Variants in EMC10 observed in about 807,000 individuals in gnomAD.
The protein encoded by EMC10 is UPF0510 protein INM02.
In EMC10, 40 loss-of-function variants were observed where a neutral mutation model predicts 32.2. The observed-to-expected ratio is 1.24, with a 90% CI of 0.96 to 1.61. EMC10 has a LOEUF of 1.61. Among genes scored for constraint, EMC10 ranks in the 40% most tolerant of loss-of-function variants. The pLI is 0.00. For missense variants in EMC10, 402 were observed against 357.7 expected, an observed-to-expected ratio of 1.12 and a Z score of -1.00; for synonymous variants, 178 against 158.4, an observed-to-expected ratio of 1.12 and a Z score of -0.93.
intron 2 of EMC10, 32 bp downstream of exon 2, chr19:50,478,033 T>A: frequency 1.3e-6 from 2 of 1,554,376 alleles, no homozygotes. Context: ...CCTAGACACT[T>A]AACATTGGTG....
intron 1 of EMC10, 192 bp downstream of exon 1, chr19:50,476,850 G>C (rs143867426): frequency 4.1e-6 from 2 of 485,734 alleles, no homozygotes; most frequent in Non-Finnish European, 7.2e-6. Context: ...GCAAGGACTG[G>C]GTGGGAGGAC....
Position 50,483,020 on chromosome 19 carries a change from CCA to C in EMC10, c.*763_*764del. 1 of 566,802 alleles carries C rather than the reference CCA, an allele frequency of 1.8e-6. No homozygotes were observed. Among genetic ancestry groups the C allele is most frequent in the Non-Finnish European group, 3.3e-6 (1 of 301,280 alleles). The allele number at this position is 566,802 out of a possible 1,614,324, so 35.1% of individuals were successfully genotyped here. A position where few individuals can be genotyped will look rare whatever the true frequency, so the allele number is the denominator to read the frequency against. ...GACACTGTAAATAGAACCCCCTCCA[CCA>C]CCCCCCGCCGCCCAGCATCCTACCT... is the stretch of plus-strand genomic sequence containing the variant. On this transcript the variant is annotated 3_prime_UTR_variant, in exon 7 of 7. Coordinates refer to ENST00000334976, the MANE Select transcript of EMC10 (RefSeq NM_206538.4).
At chr19:50,477,545 C>CAA (rs2040247530) in intron 1 of EMC10, among the ~76,000 whole-genome samples, 2 of 152,282 alleles carry the variant, frequency 1.3e-5, no homozygotes, top group South Asian at 4.1e-4. Flanking sequence ...GGACTGAACT[C>CAA]AGGCTGCATC....
At chr19:50,481,213 C>T (rs1713220466) in intron 6 of EMC10, 2 of 487,530 alleles carry the variant, frequency 4.1e-6, no homozygotes, top group Non-Finnish European at 7.2e-6. Flanking sequence ...GAGGTCTCGG[C>T]CTGAGCTAGG....
At chr19:50,479,835 T>C (rs2040288734) in intron 3 of EMC10, among the ~76,000 whole-genome samples, 1 of 152,208 alleles carries the variant, frequency 6.6e-6, no homozygotes, top group Admixed American at 6.5e-5. Context: ...AGGGAAGGCG[T>C]CCTCAGGACC....
rs2122666150 is a variant in EMC10 at position 50,482,550 on chromosome 19, A to G, written c.*291A>G. ...TGGAGTAGAGCCCGAGATCCTGGCC[A>G]CTATGCCAGTTCTGACCTCGCATCC... On this transcript the variant is annotated 3_prime_UTR_variant, in exon 7 of 7. Transcript: ENST00000334976. 2 of 546,888 alleles carry G rather than the reference A, an allele frequency of 3.7e-6. No individual in the cohort carries two copies. Among genetic ancestry groups the G allele is most frequent in the South Asian group, 2.6e-5 (1 of 38,346 alleles). The allele number at this position is 546,888 out of a possible 1,614,324, so 33.9% of individuals were successfully genotyped here. A position where few individuals can be genotyped will look rare whatever the true frequency, so the allele number is the denominator to read the frequency against.
rs976030536 is a variant in EMC10, at chr19:50,486,334, C to T, written c.*4075C>T. ...CCTCCTGAGTAGCTGGGATTACAAC[C>T]GTGTGCCACCACACCCAGCCAATTT... On this transcript the variant is annotated 3_prime_UTR_variant, in exon 7 of 7. Transcript: ENST00000334976. 2.6e-5 allele frequency: 4 copies of T among 152,132 alleles called. No individual in the cohort carries two copies. The highest frequency in any genetic ancestry group is 4.4e-5 in the Non-Finnish European group (3 of 68,026). 9.4% of individuals were successfully genotyped at this position (152,132 alleles called of 1,614,324 possible). A position where few individuals can be genotyped will look rare whatever the true frequency, so the allele number is the denominator to read the frequency against.
rs371024737 is a variant in EMC10, at chr19:50,478,000, C to G, written c.186C>G (p.Ile62Met). ...VGLLLEHSFE[I>M]DDSANFRKRG... ...TGCTGCTGGAGCACTCATTTGAGAT[C>G]GGTGAGTCAGGCAACGTCCTCTCCT... The change falls in exon 2 of 7, where the codon ATC becomes ATG. Residue 62 changes from isoleucine to methionine, a missense_variant and splice_region_variant. By Grantham distance (10) the Ile-to-Met change is conservative. Coordinates refer to ENST00000334976, the MANE Select transcript of EMC10 (RefSeq NM_206538.4). 4 of 1,602,638 alleles carry G rather than the reference C, an allele frequency of 2.5e-6. No homozygotes were observed. The highest frequency in any genetic ancestry group is 2.3e-5 in the East Asian group (1 of 43,908).
rs557727983 is a variant in EMC10 at position 50,480,598 on chromosome 19, G to A, written c.420G>A (p.Ser140=). ...SFVPACSLVE[S]HLSDQLTLHV... ...CCCCACAGTGCTCCCTGGTGGAGTC[G>A]CACCTGTCGGACCAGCTGACCCTGC... The change falls in exon 5 of 7, where the codon TCG becomes TCA. Residue 140 remains serine, a synonymous_variant. Coordinates refer to ENST00000334976, the MANE Select transcript of EMC10 (RefSeq NM_206538.4). This position sits in a 1 kb window ranked among gnomAD's most constrained non-coding sequence, Gnocchi z 4.4. 7 of 1,559,418 alleles carry A rather than the reference G, an allele frequency of 4.5e-6. No individual in the cohort carries two copies. Among genetic ancestry groups the A allele is most frequent in the Admixed American group, 3.8e-5 (2 of 52,090 alleles).
chr19:50,481,547 A>G (rs2040319622), intron 6 of EMC10: 1 of 394,200 alleles, frequency 2.5e-6, no homozygotes, highest in South Asian at 4.1e-5. Context: ...GAGTGTGGAG[A>G]CTGGTGTTAG....
Position 50,482,347 on chromosome 19 carries a change from G to A in EMC10, c.*88G>A. ...CCTGTGTCCTCAGCCATCCCAAGAA[G>A]GGTTTGCTGGTCCCTCCTTTCCCCC... On this transcript the variant is annotated 3_prime_UTR_variant, in exon 7 of 7. Transcript: ENST00000334976. 1 of 650,708 alleles carries A rather than the reference G, an allele frequency of 1.5e-6. No individual in the cohort carries two copies. The highest frequency in any genetic ancestry group is 2.7e-6 in the Non-Finnish European group (1 of 368,342). 40.3% of individuals were successfully genotyped at this position (650,708 alleles called of 1,614,324 possible).
chr19:50,477,864 T>A (rs1464831772), intron 1 of EMC10, 65 bp from the exon 2 acceptor site: 11 of 1,324,180 alleles, frequency 8.3e-6, no homozygotes, highest in Non-Finnish European at 1.1e-5. Flanking sequence ...TCCTGGGTTC[T>A]GTGGGTGACT....
intron 3 of EMC10, among the ~76,000 whole-genome samples, chr19:50,479,894 C>T (rs2122659124): frequency 6.6e-6 from 1 of 152,362 alleles, no homozygotes; most frequent in Middle Eastern, 3.4e-3. Flanking sequence ...GGCTTTTCCC[C>T]TAGGTGGGGC....
At chr19:50,481,001 C>G (rs778681699) in intron 6 of EMC10, 24 bp downstream of exon 6, 1 of 1,572,346 alleles carries the variant, frequency 6.4e-7, no homozygotes, top group Non-Finnish European at 8.7e-7. Context: ...CCCCGCCTCC[C>G]CTATTCCCTT....
chr19:50,481,529 G>C, intron 6 of EMC10: 1 of 353,348 alleles, frequency 2.8e-6, no homozygotes, highest in South Asian at 4.7e-5. Context: ...CCAGGCCTCT[G>C]GTCCATTGAG....
Position 50,482,420 on chromosome 19 carries a change from T to C in EMC10, c.*161T>C, listed in dbSNP as rs2040337328. The stretch of plus-strand genomic sequence containing the variant: ...CAGCCCCTTGTCCTCTGCCTTCTGC[T>C]GGCAGAGGAGCAGCTGGACTGGGGC... On this transcript the variant is annotated 3_prime_UTR_variant, in exon 7 of 7. Coordinates refer to ENST00000334976, the MANE Select transcript of EMC10 (RefSeq NM_206538.4). 3 of 594,040 alleles carry C rather than the reference T, an allele frequency of 5.1e-6. No homozygotes were observed. The highest frequency in any genetic ancestry group is 1.9e-5 in the African/African-American group (1 of 53,330). 36.8% of individuals were successfully genotyped at this position (594,040 alleles called of 1,614,324 possible).
rs2040301525 is a variant in EMC10 at position 50,480,561 on chromosome 19, T to C, written c.403-20T>C. 7.1e-6 allele frequency: 11 copies of C among 1,549,650 alleles called. No individual in the cohort carries two copies. Among genetic ancestry groups the C allele is most frequent in the African/African-American group, 1.4e-5 (1 of 72,996 alleles). On this transcript the variant is annotated intron_variant, in intron 4 of 6. Transcript: ENST00000334976. The surrounding 1 kb of genome is among the most constrained non-coding windows in gnomAD (Gnocchi z 4.4). ...CAGGCAGCAGGCTCCCCACCTCCAC[T>C]GACCCCACTCCCCCCACAGTGCTCC... is the stretch of plus-strand genomic sequence containing the variant.
rs1221243542 is a variant in EMC10 at position 50,483,218 on chromosome 19, T to C, written c.*959T>C. Reference sequence around the variant, plus strand: ...GCAAGACGGTCCTGATGTACAAGCTTGATTGAAATTCACTGCTCACTTGAT... The same window carrying C: ...GCAAGACGGTCCTGATGTACAAGCTCGATTGAAATTCACTGCTCACTTGAT... On this transcript the variant is annotated 3_prime_UTR_variant, in exon 7 of 7. Coordinates refer to ENST00000334976, the MANE Select transcript of EMC10 (RefSeq NM_206538.4). The C allele has an allele frequency of 4.7e-6, 2 of 429,330 alleles. No individual in the cohort carries two copies. Among genetic ancestry groups the C allele is most frequent in the African/African-American group, 4.1e-5 (2 of 49,284 alleles). 26.6% of individuals were successfully genotyped at this position (429,330 alleles called of 1,614,324 possible). A position where few individuals can be genotyped will look rare whatever the true frequency, so the allele number is the denominator to read the frequency against.
In EMC10 at chr19:50,480,012, G is replaced by A; in HGVS notation, c.298-99G>A. The A allele has an allele frequency of 1.1e-6, 1 of 929,472 alleles. No homozygotes were observed. The highest frequency in any genetic ancestry group is 1.6e-6 in the Non-Finnish European group (1 of 619,640). The allele number at this position is 929,472 out of a possible 1,614,324, so 57.6% of individuals were successfully genotyped here. ...GGGGAGTGTGGGCCGTGAGGTGGGTGGGGCTGGAGAGGGGCCTTCGCGGAG... is the reference window on the plus strand; with the variant it reads ...GGGGAGTGTGGGCCGTGAGGTGGGTAGGGCTGGAGAGGGGCCTTCGCGGAG... On this transcript the variant is annotated intron_variant, in intron 3 of 6. Coordinates refer to ENST00000334976, the MANE Select transcript of EMC10 (RefSeq NM_206538.4). The surrounding 1 kb of genome is among the most constrained non-coding windows in gnomAD (Gnocchi z 4.4).
Sources: allele counts gnomAD v4.1 joint callset (sites outside exome capture counted in the v4.1 genomes callset), GRCh38; gene constraint gnomAD v4.1.1; non-coding constraint Gnocchi (gnomAD v3.1); transcripts MANE v1.5; gene names NCBI Gene and HGNC (gene_info 2026-07-23, HGNC 2026-07-21).